The following USP3 variants were observed in gnomAD, a reference collection of about 807,000 sequenced individuals.
USP3 encodes ubiquitin carboxyl-terminal hydrolase 3.
Under a neutral mutation model 72.3 loss-of-function variants are expected in USP3, and 20 were observed. The observed-to-expected ratio is 0.28, with a 90% CI of 0.19 to 0.40. The LOEUF (loss-of-function observed/expected upper bound fraction) is 0.40. Among genes scored for constraint, USP3 ranks in the 10% least tolerant of loss-of-function variants. The pLI, the probability that USP3 is intolerant of heterozygous loss-of-function variation, is 1.00. For synonymous variants in USP3, 222 were observed against 225.3 expected (o/e 0.99, Z 0.13); for missense variants, 479 against 633.9 (o/e 0.76, Z 2.62).
chr15:63,554,258 C>T (rs2066476412), intron 4 of USP3, among the ~76,000 whole-genome samples: 1 of 152,208 alleles, frequency 6.6e-6, no homozygotes, highest in South Asian at 2.1e-4. Flanking sequence ...TGCATCTATA[C>T]AGTGGCACAG....
intron 1 of USP3, among the ~76,000 whole-genome samples, chr15:63,531,191 T>A (rs1266879936): frequency 6.6e-6 from 1 of 152,180 alleles, no homozygotes; most frequent in Non-Finnish European, 1.5e-5. Context: ...TCCTGTCCCC[T>A]CCTCTCATGC....
rs1245657519 is a variant in USP3, at chr15:63,593,456, G to A, written c.*2630G>A. 1 of 152,194 alleles carries A rather than the reference G, an allele frequency of 6.6e-6. No individual in the cohort carries two copies. Among genetic ancestry groups the A allele is most frequent in the East Asian group, 1.9e-4 (1 of 5,204 alleles). 9.4% of individuals were successfully genotyped at this position (152,194 alleles called of 1,614,324 possible). ...GTTAAACAGTAAAGGCCTGGGCAGA[G>A]TTGATGGTGAAAAAAAGCTGTATTT... On this transcript the variant is annotated 3_prime_UTR_variant, in exon 15 of 15. Transcript: ENST00000380324.
chr15:63,558,207 C>CT lies in USP3; in HGVS notation c.533+21dup. On this transcript the variant is annotated intron_variant, in intron 6 of 14. Coordinates refer to ENST00000380324, the MANE Select transcript of USP3 (RefSeq NM_006537.4). ...CACTCAGGTAACGCTACAGTCAGAG[C>CT]TTAAGTGTCTGACATTAAAGGTTAA... The CT allele has an allele frequency of 6.2e-7, 1 of 1,612,876 alleles. No individual in the cohort carries two copies. Among genetic ancestry groups the CT allele is most frequent in the Non-Finnish European group, 8.5e-7 (1 of 1,179,056 alleles).
At chr15:63,552,872 T>C (rs1309877105) in intron 3 of USP3, among the ~76,000 whole-genome samples, 1 of 152,230 alleles carries the variant, frequency 6.6e-6, no homozygotes, top group African/African-American at 2.4e-5. Flanking sequence ...TATTATTCTT[T>C]GATAGTAATA....
chr15:63,556,590 CTGGAGTTTATTCT>C lies in USP3; in HGVS notation c.369-75_369-63del, dbSNP rs1567113337. On this transcript the variant is annotated intron_variant, in intron 4 of 14. Transcript: ENST00000380324. ...TCCATGCCCTAGGTGTTGAGGGCAG[CTGGAGTTTATTCT>C]TTCACCTGTGGTGTAGCATGCATAT... The C allele has an allele frequency of 3.4e-6, 4 of 1,190,370 alleles. No homozygotes were observed. The African/African-American group carries it at 4.7e-5, about 14-fold the overall frequency. 73.7% of individuals were successfully genotyped at this position (1,190,370 alleles called of 1,614,324 possible).
chr15:63,546,590 C>CTTTAT (rs562261578), intron 3 of USP3, among the ~76,000 whole-genome samples: 127 of 152,074 alleles, frequency 8.4e-4, no homozygotes, highest in African/African-American at 8.7e-4. Context: ...ATCTGTTTGC[C>CTTTAT]TTTATTTTAT....
At position 63,570,685 on chromosome 15, in the gene USP3, T is replaced by C; in HGVS notation, c.908+106T>C. 1 of 1,488,728 alleles carries C rather than the reference T, an allele frequency of 6.7e-7. No homozygotes were observed. The highest frequency in any genetic ancestry group is 9.0e-7 in the Non-Finnish European group (1 of 1,115,018). 92.2% of individuals were successfully genotyped at this position (1,488,728 alleles called of 1,614,324 possible). A position where few individuals can be genotyped will look rare whatever the true frequency, so the allele number is the denominator to read the frequency against. On this transcript the variant is annotated intron_variant, in intron 9 of 14. Transcript: ENST00000380324. The surrounding 1 kb of genome is among the most constrained non-coding windows in gnomAD (Gnocchi z 4.4). ...GAAGGTAGAGGGGTTTCTTGGACAT[T>C]TGCTGGAACTTTTCGTGCCCTTGAA...
chr15:63,518,876 C>T (rs1374100213), intron 1 of USP3, among the ~76,000 whole-genome samples: 1 of 152,080 alleles, frequency 6.6e-6, no homozygotes, highest in African/African-American at 2.4e-5. Flanking sequence ...CAGCATTCTC[C>T]TGCCTCAGCC....
At position 63,589,010 on chromosome 15, in the gene USP3, G is replaced by A. The variant is rs763688428; in HGVS notation, c.1396G>A (p.Gly466Arg). 31 of 1,613,252 alleles carry A rather than the reference G, an allele frequency of 1.9e-5. No homozygotes were observed. The highest frequency in any genetic ancestry group is 2.6e-5 in the Non-Finnish European group (31 of 1,180,028). The change falls in exon 14 of 15, where the codon GGG becomes AGG. Residue 466 changes from glycine (G) to arginine (R), a missense_variant and splice_region_variant. Physicochemically the swap from Gly to Arg is moderately radical, Grantham distance 125. Coordinates refer to ENST00000380324, the MANE Select transcript of USP3 (RefSeq NM_006537.4). The stretch of plus-strand genomic sequence containing the variant: ...CGCTGTGGTGGTGCACCATGGTTCC[G>A]GGTGAGTACAACAGCCAGCTTCTGG... ...LAAVVVHHGS[G>R]VGSGHYTAYA...
At chr15:63,554,509 G>T (rs1274735675) in intron 4 of USP3, among the ~76,000 whole-genome samples, 2 of 152,190 alleles carry the variant, frequency 1.3e-5, no homozygotes, top group African/African-American at 4.8e-5. Context: ...AATGACTGCT[G>T]ACTCAAGTGA....
intron 3 of USP3, 59 bp downstream of exon 3, chr15:63,537,215 C>G: frequency 1.3e-6 from 2 of 1,546,078 alleles, no homozygotes; most frequent in South Asian, 2.5e-5. Flanking sequence ...GCTCTCCTCC[C>G]CTCCCTTCCC....
rs988230890 is a variant in USP3 at position 63,544,210 on chromosome 15, T to C, written c.284+7054T>C. The C allele has an allele frequency of 6.7e-6, 1 of 148,668 alleles. No homozygotes were observed. Among genetic ancestry groups the C allele is most frequent in the Admixed American group, 6.7e-5 (1 of 14,854 alleles). 9.2% of individuals were successfully genotyped at this position (148,668 alleles called of 1,614,324 possible). On this transcript the variant is annotated intron_variant, in intron 3 of 14. Coordinates refer to ENST00000380324, the MANE Select transcript of USP3 (RefSeq NM_006537.4). The surrounding 1 kb of genome is among the most constrained non-coding windows in gnomAD (Gnocchi z 4.2). ...TATATATAATTTATTAATACAAATA[T>C]ATACATATATATATAGAATATATAT...
intron 11 of USP3, among the ~76,000 whole-genome samples, chr15:63,584,467 A>C (rs2067022488): frequency 6.6e-6 from 1 of 152,104 alleles, no homozygotes; most frequent in South Asian, 2.1e-4. Flanking sequence ...TTGTCTTTTA[A>C]ATAACAGCCA....
chr15:63,582,941 G>A (rs2066989643), intron 11 of USP3, among the ~76,000 whole-genome samples: 2 of 152,184 alleles, frequency 1.3e-5, no homozygotes, highest in Admixed American at 1.3e-4. Flanking sequence ...GATTCTTTCA[G>A]TAATCTCAGT....
In USP3 at chr15:63,509,424, C is replaced by T. The variant is rs552915150; in HGVS notation, c.91+4594C>T. Among the ~76,000 whole-genome samples the T allele has an allele frequency of 5.6e-4, 85 of 152,098 alleles. 1 individual carries two copies. Among genetic ancestry groups the T allele is most frequent in the Non-Finnish European group, 7.9e-4 (54 of 68,008 alleles). On this transcript the variant is annotated intron_variant, in intron 1 of 14. Coordinates refer to ENST00000380324, the MANE Select transcript of USP3 (RefSeq NM_006537.4). ...TAGCCCGCACTCCCAGTATTTTAGT[C>T]AGTAAACGTTGGCTGGATTGTGAGC...
Position 63,570,382 on chromosome 15 carries a change from G to C in USP3, c.762-51G>C, listed in dbSNP as rs370016518. ...CTTGGCCTCTTGCTGGTGTGGCTGG[G>C]CACAAAGAGCCCTCCACCCGGCCTT... On this transcript the variant is annotated intron_variant, in intron 8 of 14. Transcript: ENST00000380324. This position sits in a 1 kb window ranked among gnomAD's most constrained non-coding sequence, Gnocchi z 4.4. 3.1e-6 allele frequency: 5 copies of C among 1,610,196 alleles called. No individual in the cohort carries two copies. In the African/African-American group the frequency reaches 4.0e-5, roughly 13 times the overall value.
intron 1 of USP3, among the ~76,000 whole-genome samples, chr15:63,519,343 T>G (rs1405644400): frequency 6.6e-6 from 1 of 152,076 alleles, no homozygotes; most frequent in Non-Finnish European, 1.5e-5. Flanking sequence ...CTTTTTTTTT[T>G]TCTATTCTAA....
intron 8 of USP3, among the ~76,000 whole-genome samples, chr15:63,564,065 G>C (rs1229979411): frequency 6.6e-6 from 1 of 152,284 alleles, no homozygotes; most frequent in East Asian, 1.9e-4. Flanking sequence ...TGACAGTTAA[G>C]TTACCACTGT....
rs146822435 is a variant in USP3, at chr15:63,525,263, T to G, written c.92-7384T>G. 8.3e-4 allele frequency among the ~76,000 whole-genome samples: 127 copies of G among 152,340 alleles called. 2 individuals carry two copies. The East Asian group carries it at 0.022, about 26-fold the overall frequency. On this transcript the variant is annotated intron_variant, in intron 1 of 14. Coordinates refer to ENST00000380324, the MANE Select transcript of USP3 (RefSeq NM_006537.4). ...CCCTTGAGTCCCAGGTGGCCACTTC[T>G]GACCACTTTGGATTTGGTGCTCATG...
Sources: allele counts gnomAD v4.1 joint callset (sites outside exome capture counted in the v4.1 genomes callset), GRCh38; gene constraint gnomAD v4.1.1; non-coding constraint Gnocchi (gnomAD v3.1); transcripts MANE v1.5; gene names NCBI Gene and HGNC (gene_info 2026-07-23, HGNC 2026-07-21).